NOP9: variants seen among roughly 807,000 people sequenced by gnomAD.
The protein encoded by NOP9 is nucleolar protein 9.
In NOP9, 50 loss-of-function variants were observed where a neutral mutation model predicts 63.0. The ratio of observed to expected loss-of-function variants is 0.79; its 90% CI spans 0.63 to 1.00. The LOEUF is 1.00. Ranked by LOEUF, NOP9 falls within the 50% of genes least tolerant of loss-of-function variation. NOP9 has a pLI of 0.00. For missense variants in NOP9, 758 were observed against 803.0 expected, an observed-to-expected ratio of 0.94 and a Z score of 0.68; for synonymous variants, 343 against 332.8, an observed-to-expected ratio of 1.03 and a Z score of -0.33.
the NOP9 span, chr14:24,290,783 C>T: frequency 1.3e-6 from 2 of 1,568,682 alleles, no homozygotes; most frequent in East Asian, 2.2e-5. Flanking sequence ...AGAAAGGCTG[C>T]TGTTTCACTG....
chr14:24,282,899 C>T, the NOP9 span, among the ~76,000 whole-genome samples: 1 of 151,832 alleles, frequency 6.6e-6, no homozygotes, highest in East Asian at 2.0e-4. Flanking sequence ...GAGCCTGCAC[C>T]TGGACTCTGG....
Position 24,307,247 on chromosome 14 carries a change from T to C in NOP9, c.*2152T>C. On this transcript the variant is annotated 3_prime_UTR_variant, in exon 10 of 10. Transcript: ENST00000267425. ...GCTCATTAGGCCCACTCCGCTGCTT[T>C]TAGCCCTCAGAGGGAGGGGCAGCTG... 1 of 1,084,500 alleles carries C rather than the reference T, an allele frequency of 9.2e-7. No individual in the cohort carries two copies. The highest frequency in any genetic ancestry group is 1.3e-6 in the Non-Finnish European group (1 of 742,854). 67.2% of individuals were successfully genotyped at this position (1,084,500 alleles called of 1,614,324 possible).
upstream of NOP9, chr14:24,298,829 T>G: frequency 8.7e-7 from 1 of 1,144,968 alleles, no homozygotes; most frequent in Non-Finnish European, 1.2e-6. Context: ...TAATTTCCAC[T>G]TTGAATAAAT....
At chr14:24,274,897 C>A in the NOP9 span, among the ~76,000 whole-genome samples, 1,906 of 143,912 alleles carry the variant, frequency 0.013, 32 homozygotes, top group African/African-American at 0.046. Context: ...CGTGAGCCAC[C>A]ATGTCCGGCT....
At chr14:24,303,657 T>C (rs1197805484) in intron 6 of NOP9, 75 bp from the exon 7 acceptor site, 1 of 1,517,956 alleles carries the variant, frequency 6.6e-7, no homozygotes, top group Non-Finnish European at 9.1e-7. Flanking sequence ...TTTCCTTTCC[T>C]GAAGGTGTTC....
At position 24,308,237 on chromosome 14, in the gene NOP9, T is replaced by G; in HGVS notation, c.*3142T>G. On this transcript the variant is annotated 3_prime_UTR_variant, in exon 10 of 10. Coordinates refer to ENST00000267425, the MANE Select transcript of NOP9 (RefSeq NM_174913.3). ...GGGACGGTTTCTGGCTCTCAGGCTC[T>G]GAGAAGCTGCAGTTTATGAGTGGCT... The G allele has an allele frequency of 3.4e-6, 1 of 290,952 alleles. No homozygotes were observed. The highest frequency in any genetic ancestry group is 6.7e-6 in the Non-Finnish European group (1 of 149,792). The allele number at this position is 290,952 out of a possible 1,614,324, so 18.0% of individuals were successfully genotyped here.
the NOP9 span, among the ~76,000 whole-genome samples, chr14:24,284,265 T>C: frequency 7.2e-5 from 11 of 152,354 alleles, no homozygotes; most frequent in South Asian, 2.3e-3. Flanking sequence ...CTTGCCATTG[T>C]TGCCTAATGT....
chr14:24,296,858 A>C, upstream of NOP9: 2 of 1,614,250 alleles, frequency 1.2e-6, no homozygotes, highest in Non-Finnish European at 1.7e-6. Flanking sequence ...CCACAGGCAC[A>C]CATTGGCCCC....
chr14:24,298,179 G>A (rs964014640), upstream of NOP9, among the ~76,000 whole-genome samples: 3 of 152,088 alleles, frequency 2.0e-5, no homozygotes, highest in African/African-American at 7.2e-5. Flanking sequence ...CCAAGTAGAT[G>A]GTACTACAGG....
At chr14:24,277,245 GA>G in the NOP9 span, among the ~76,000 whole-genome samples, 1 of 152,204 alleles carries the variant, frequency 6.6e-6, no homozygotes, top group Non-Finnish European at 1.5e-5. Flanking sequence ...GGTTGCATGA[GA>G]AGAGGAAGGG....
chr14:24,300,273 G>C, intron 1 of NOP9, 72 bp downstream of exon 1: 4 of 1,585,886 alleles, frequency 2.5e-6, no homozygotes, highest in Non-Finnish European at 3.4e-6. Flanking sequence ...TCTAGGGTCG[G>C]CAGGGCGTGG....
Position 24,303,923 on chromosome 14 carries a change from G to A in NOP9, c.1410+66G>A, listed in dbSNP as rs545332943. 1.7e-4 allele frequency: 271 copies of A among 1,601,140 alleles called. No homozygotes were observed. In the African/African-American group the frequency reaches 2.1e-3, roughly 12 times the overall value. ...TCAGGCCTCCCAGGGTTTAGCAAGC[G>A]TCTGACTTCTGAGGTGAGAGTGGTG... On this transcript the variant is annotated intron_variant, in intron 7 of 9. Coordinates refer to ENST00000267425, the MANE Select transcript of NOP9 (RefSeq NM_174913.3).
Position 24,307,912 on chromosome 14 carries a change from G to C in NOP9, c.*2817G>C. The C allele has an allele frequency of 6.7e-7, 1 of 1,481,920 alleles. No homozygotes were observed. Among genetic ancestry groups the C allele is most frequent in the Non-Finnish European group, 9.3e-7 (1 of 1,080,976 alleles). 91.8% of individuals were successfully genotyped at this position (1,481,920 alleles called of 1,614,324 possible). On this transcript the variant is annotated 3_prime_UTR_variant, in exon 10 of 10. Transcript: ENST00000267425. ...CTTCTGGGCTGGGTGGTTCTCTCCTGTGCTGGGGCTTTAGTGGTGTTTTCT... is the reference window on the plus strand; with the variant it reads ...CTTCTGGGCTGGGTGGTTCTCTCCTCTGCTGGGGCTTTAGTGGTGTTTTCT...
the NOP9 span, among the ~76,000 whole-genome samples, chr14:24,284,434 C>T: frequency 1.3e-5 from 2 of 152,092 alleles, no homozygotes; most frequent in East Asian, 1.9e-4. Flanking sequence ...GATTAGAGCA[C>T]AGGGGCCAGT....
rs1465927658 is a variant in NOP9 at position 24,304,926 on chromosome 14, T to C, written c.1754-12T>C. On this transcript the variant is annotated splice_polypyrimidine_tract_variant and intron_variant, in intron 9 of 9. Coordinates refer to ENST00000267425, the MANE Select transcript of NOP9 (RefSeq NM_174913.3). ...GCATGGTAGTACTAAACATGAGTGG[T>C]TCCCTTTGCAGGGGAGCAGAACCAG... 2.0e-6 allele frequency: 3 copies of C among 1,514,236 alleles called. No individual in the cohort carries two copies. Among genetic ancestry groups the C allele is most frequent in the African/African-American group, 2.8e-5 (2 of 71,250 alleles). 93.8% of individuals were successfully genotyped at this position (1,514,236 alleles called of 1,614,324 possible). A position where few individuals can be genotyped will look rare whatever the true frequency, so the allele number is the denominator to read the frequency against.
the NOP9 span, among the ~76,000 whole-genome samples, chr14:24,289,726 A>G: frequency 6.6e-6 from 1 of 152,232 alleles, no homozygotes; most frequent in African/African-American, 2.4e-5. Context: ...GTGGACTTTC[A>G]TGGGACATGT....
Position 24,300,683 on chromosome 14 carries a change from C to A in NOP9, c.523C>A (p.Pro175Thr). The change falls in exon 2 of 10, where the codon CCC becomes ACC. Residue 175 changes from proline to threonine, a missense_variant. By Grantham distance (38) the Pro-to-Thr change is conservative. Transcript: ENST00000267425. ...GGAGGAGGAGGATGGAAAGGATGGT[C>A]CCACGGAGACCCTGGAGGAGCTGGT... ...EEEEEDGKDG[P>T]TETLEELVLG... 6.2e-7 allele frequency: 1 copy of A among 1,609,700 alleles called. No individual in the cohort carries two copies. Among genetic ancestry groups the A allele is most frequent in the Non-Finnish European group, 8.5e-7 (1 of 1,177,564 alleles).
the NOP9 span, chr14:24,292,670 A>T: frequency 6.2e-7 from 1 of 1,614,168 alleles, no homozygotes; most frequent in Non-Finnish European, 8.5e-7. Context: ...TGCCCACACC[A>T]TAGGGGACAT....
At chr14:24,276,152 G>A in the NOP9 span, among the ~76,000 whole-genome samples, 2 of 151,968 alleles carry the variant, frequency 1.3e-5, no homozygotes, top group African/African-American at 4.8e-5. Context: ...CGAGGCAGGC[G>A]GATCACTTGA....
Sources: gnomAD v4.1 joint callset for allele counts (sites outside exome capture counted in the v4.1 genomes callset) on GRCh38, gnomAD v4.1.1 for gene constraint, MANE v1.5 for transcripts, NCBI Gene and HGNC (gene_info 2026-07-23, HGNC 2026-07-21) for gene names.